L3MBTL1: variants seen among roughly 807,000 people sequenced by gnomAD.
The protein encoded by L3MBTL1 is lethal(3)malignant brain tumor-like protein 1.
L3MBTL1 carries 75 observed loss-of-function variants against 105.3 expected under a neutral mutation model. The observed-to-expected ratio is 0.71, with a 90% confidence interval of 0.59 to 0.86. L3MBTL1 has a LOEUF of 0.86. L3MBTL1 is among the 40% of genes least tolerant of loss of function. The pLI is 0.00. For synonymous variants in L3MBTL1, 452 were observed against 436.2 expected, an observed-to-expected ratio of 1.04 and a Z score of -0.45; for missense variants, 1,069 against 1,126.4, an observed-to-expected ratio of 0.95 and a Z score of 0.73.
At chr20:43,524,494 A>G (rs893761425) in intron 7 of L3MBTL1, among the ~76,000 whole-genome samples, 3 of 152,202 alleles carry the variant, frequency 2.0e-5, no homozygotes, top group African/African-American at 4.8e-5. Flanking sequence ...TTATGTAACC[A>G]TATAATAAGT....
rs367737529 is a variant in L3MBTL1 at position 43,540,919 on chromosome 20, G to A, written c.2395-15G>A. 147 of 1,613,692 alleles carry A rather than the reference G, an allele frequency of 9.1e-5. No individual in the cohort carries two copies. The highest frequency in any genetic ancestry group is 1.8e-4 in the East Asian group (8 of 44,862). ...CGTCACTTCTGCTAAGGAGGGACCC[G>A]TGTTGCCCCACCAGGCAAGAATAGT... On this transcript the variant is annotated splice_polypyrimidine_tract_variant and intron_variant, in intron 21 of 21. Transcript: ENST00000418998.
intron 7 of L3MBTL1, among the ~76,000 whole-genome samples, chr20:43,521,724 A>G (rs191140882): frequency 8.5e-5 from 13 of 152,228 alleles, no homozygotes; most frequent in African/African-American, 3.1e-4. Context: ...TTTATTTTTT[A>G]TCATTATTTT....
intron 13 of L3MBTL1, 125 bp from the exon 14 acceptor site, chr20:43,533,883 G>A: frequency 1.4e-6 from 1 of 730,310 alleles, no homozygotes; most frequent in African/African-American, 1.7e-5. Context: ...GCTGGCTGTG[G>A]TGATGGTGGG....
intron 2 of L3MBTL1, 63 bp from the exon 3 acceptor site, chr20:43,513,775 G>A: frequency 6.5e-7 from 1 of 1,538,948 alleles, no homozygotes; most frequent in South Asian, 1.2e-5. Flanking sequence ...CACATGCATG[G>A]CCGGATTGAG....
chr20:43,550,797 T>C (rs1965118650), exon 19 of L3MBTL1: 2 of 152,210 alleles, frequency 1.3e-5, no homozygotes, highest in Admixed American at 1.3e-4. Context: ...ATTTTTGTAC[T>C]TGCCTCTTGT....
intron 3 of L3MBTL1, 148 bp downstream of exon 3, chr20:43,514,209 G>C: frequency 1.2e-6 from 1 of 824,064 alleles, no homozygotes; most frequent in Non-Finnish European, 1.9e-6. Flanking sequence ...GGGACTCTCG[G>C]GGCGTGGCTT....
At chr20:43,515,620 A>C (rs2018349874) in intron 6 of L3MBTL1, 1 of 620,130 alleles carries the variant, frequency 1.6e-6, no homozygotes, top group African/African-American at 1.8e-5. Context: ...GATTTTCCAG[A>C]GCTCCCATCT....
downstream of L3MBTL1, among the ~76,000 whole-genome samples, chr20:43,545,619 G>A (rs1376923542): frequency 6.6e-6 from 1 of 152,160 alleles, no homozygotes; most frequent in East Asian, 1.9e-4. Flanking sequence ...TGAGAAAGGG[G>A]GAAATGGGCT....
Position 43,540,787 on chromosome 20 carries a change from A to G in L3MBTL1, c.2366A>G (p.Glu789Gly). Residue 789 changes from glutamate to glycine, a missense_variant, in exon 21 of 22, where the codon GAG (glutamate) becomes GGG (glycine). Transcript: ENST00000418998. ...TTTGTTCAGACCCTGACAGGTTGTG[A>G]GGACCAAGCACGCCTCTTCAAAGAC... ...FGFVQTLTGC[E>G]DQARLFKDEA... The G allele has an allele frequency of 6.2e-7, 1 of 1,614,182 alleles. No individual in the cohort carries two copies. The highest frequency in any genetic ancestry group is 2.2e-5 in the East Asian group (1 of 44,874).
At position 43,514,043 on chromosome 20, in the gene L3MBTL1, C is replaced by G. The variant is rs1428007420; in HGVS notation, c.342C>G (p.Pro114=). The G allele has an allele frequency of 6.5e-7, 1 of 1,534,770 alleles. No individual in the cohort carries two copies. The highest frequency in any genetic ancestry group is 1.4e-5 in the African/African-American group (1 of 72,952). Residue 114 remains proline, a synonymous_variant, in exon 3 of 22, where the codon CCC becomes CCG. Transcript: ENST00000418998. The part of the protein sequence containing the change: ...LLEWTEAAAP[P]PGGGLRFRIS... ...AATGGACAGAGGCCGCGGCCCCGCCCCCAGGGGGCGGCCTGCGGGTCAGTG... is the reference window on the plus strand; with the variant it reads ...AATGGACAGAGGCCGCGGCCCCGCCGCCAGGGGGCGGCCTGCGGGTCAGTG...
At chr20:43,527,946 G>T (rs944351685) in intron 7 of L3MBTL1, among the ~76,000 whole-genome samples, 11 of 152,072 alleles carry the variant, frequency 7.2e-5, no homozygotes, top group African/African-American at 2.7e-4. Flanking sequence ...AGGCTGGAAT[G>T]CAGTGGTGCG....
intron 17 of L3MBTL1, 40 bp downstream of exon 17, chr20:43,535,976 T>C (rs2019588208): frequency 6.3e-7 from 1 of 1,594,878 alleles, no homozygotes; most frequent in East Asian, 2.2e-5. Flanking sequence ...CAGCGTTGTT[T>C]TGCACTTACT....
At chr20:43,549,524 T>C (rs1381884541) in exon 19 of L3MBTL1, 1 of 152,212 alleles carries the variant, frequency 6.6e-6, no homozygotes, top group African/African-American at 2.4e-5. Flanking sequence ...TCAGTCCACA[T>C]AGGAACCCAG....
downstream of L3MBTL1, among the ~76,000 whole-genome samples, chr20:43,544,688 G>A (rs184394852): frequency 7.8e-4 from 119 of 152,298 alleles, 1 homozygote; most frequent in South Asian, 0.019. Flanking sequence ...AATCCTGACC[G>A]GGGCGGTGGT....
chr20:43,510,187 T>C (rs2018094455), intron 1 of L3MBTL1, among the ~76,000 whole-genome samples: 1 of 151,990 alleles, frequency 6.6e-6, no homozygotes, highest in Admixed American at 6.6e-5. Flanking sequence ...TTTGTAGAGA[T>C]GGGGTTTCAC....
chr20:43,508,067 A>C (rs1348049178), intron 1 of L3MBTL1, among the ~76,000 whole-genome samples: 17 of 152,040 alleles, frequency 1.1e-4, no homozygotes. Flanking sequence ...GAGTTTTTTT[A>C]TTAATGGAAA....
chr20:43,516,106 A>G lies in L3MBTL1; in HGVS notation c.791A>G (p.Glu264Gly), dbSNP rs760271302. Residue 264 changes from glutamate to glycine, a missense_variant, in exon 7 of 22, where the codon GAA becomes GGA. Glu to Gly is a moderately conservative substitution (Grantham distance 98). Coordinates refer to ENST00000418998, the MANE Select transcript of L3MBTL1 (RefSeq NM_001377303.1). ...SEPEAMEKQE[E>G]GKDPEGQPTA... ...TGCCTTCTACAGGAGAAGCAAGAAG[A>G]AGGAAAGGACCCAGAGGGACAACCC... 1.9e-6 allele frequency: 3 copies of G among 1,613,898 alleles called. No homozygotes were observed. The South Asian group carries it at 3.3e-5, about 18-fold the overall frequency.
At chr20:43,544,006 A>G (rs1200086623), downstream of L3MBTL1, among the ~76,000 whole-genome samples, 2 of 152,166 alleles carry the variant, frequency 1.3e-5, no homozygotes, top group African/African-American at 4.8e-5. Context: ...GGGAGACAGA[A>G]TTGTAAGTTG....
chr20:43,536,341 G>A (rs376615117), intron 18 of L3MBTL1, 47 bp downstream of exon 18: 12 of 1,612,124 alleles, frequency 7.4e-6, no homozygotes, highest in Non-Finnish European at 1.0e-5. Flanking sequence ...GGGGTGTGGG[G>A]CCTTGTAGCC....
Sources: allele counts gnomAD v4.1 joint callset (sites outside exome capture counted in the v4.1 genomes callset), GRCh38; gene constraint gnomAD v4.1.1; transcripts MANE v1.5; gene names NCBI Gene and HGNC (gene_info 2026-07-23, HGNC 2026-07-21).